Variants in ADAM10 observed in about 807,000 individuals in gnomAD.
ADAM10 encodes disintegrin and metalloproteinase domain-containing protein 10.
Under a neutral mutation model 90.1 loss-of-function variants are expected in ADAM10, and 17 were observed. The observed-to-expected ratio is 0.19, with a 90% CI of 0.13 to 0.28. The LOEUF is 0.28. ADAM10 is among the 10% of genes least tolerant of loss of function. ADAM10 has a pLI of 1.00. For synonymous variants in ADAM10, 310 were observed against 298.6 expected (o/e 1.04, Z -0.40); for missense variants, 610 against 914.3 (o/e 0.67, Z 4.29).
At chr15:58,658,428 C>CAA (rs1896885031) in intron 5 of ADAM10, among the ~76,000 whole-genome samples, 3 of 152,166 alleles carry the variant, frequency 2.0e-5, no homozygotes, top group Non-Finnish European at 4.4e-5. Flanking sequence ...AAACCAAATA[C>CAA]TATTAAATCT....
At chr15:58,683,499 A>G (rs573484557) in intron 2 of ADAM10, among the ~76,000 whole-genome samples, 1 of 152,318 alleles carries the variant, frequency 6.6e-6, no homozygotes, top group East Asian at 1.9e-4. Context: ...ATTTCTAGAA[A>G]TGTATCTTAC....
intron 3 of ADAM10, among the ~76,000 whole-genome samples, chr15:58,681,489 T>C (rs1358702504): frequency 6.6e-6 from 1 of 152,212 alleles, no homozygotes. Context: ...TCTCAAACAG[T>C]TTAACACTGT....
intron 2 of ADAM10, among the ~76,000 whole-genome samples, chr15:58,701,448 G>A (rs573624019): frequency 9.2e-5 from 14 of 152,034 alleles, no homozygotes; most frequent in Non-Finnish European, 1.5e-4. Flanking sequence ...TCATCTTACC[G>A]CAGTTAGAAT....
chr15:58,604,410 G>T (rs1895209935), intron 14 of ADAM10, among the ~76,000 whole-genome samples: 1 of 152,086 alleles, frequency 6.6e-6, no homozygotes, highest in South Asian at 2.1e-4. Context: ...CTCCTTAAAG[G>T]CTTTTCCTAA....
chr15:58,627,411 G>A lies in ADAM10; in HGVS notation c.1360+289C>T, dbSNP rs1419936370. Among the ~76,000 whole-genome samples the A allele has an allele frequency of 5.3e-5, 8 of 152,078 alleles. 1 individual carries two copies. Among genetic ancestry groups the A allele is most frequent in the South Asian group, 4.1e-4 (2 of 4,828 alleles). The stretch of plus-strand genomic sequence containing the variant: ...CTTAAAATTTGTGCATTTCACTTAT[G>A]CAGAAAACAGAAAAAGAACTATAAA... On this transcript the variant is annotated intron_variant, in intron 10 of 15. Transcript: ENST00000260408.
intron 1 of ADAM10, chr15:58,748,273 T>C (rs565601375): frequency 1.3e-5 from 2 of 152,302 alleles, no homozygotes; most frequent in Middle Eastern, 3.4e-3. Flanking sequence ...TAAGTCAAAG[T>C]GGCAAAGAAA....
chr15:58,677,365 C>A (rs1163410021), intron 4 of ADAM10, among the ~76,000 whole-genome samples: 1 of 151,822 alleles, frequency 6.6e-6, no homozygotes, highest in East Asian at 1.9e-4. Context: ...CATTTAAATG[C>A]CAAAAAGAAC....
chr15:58,698,847 G>C (rs1461386787), intron 2 of ADAM10, among the ~76,000 whole-genome samples: 1 of 151,960 alleles, frequency 6.6e-6, no homozygotes, highest in Non-Finnish European at 1.5e-5. Flanking sequence ...AGAAGGCAAA[G>C]AAAAAACAAA....
intron 5 of ADAM10, among the ~76,000 whole-genome samples, chr15:58,655,687 T>TATC (rs57182110): frequency 2.5e-5 from 2 of 80,296 alleles, no homozygotes; most frequent in African/African-American, 1.3e-4. Flanking sequence ...CATATATATA[T>TATC]TATATATAGT....
chr15:58,607,266 G>A (rs1411817060), intron 14 of ADAM10, among the ~76,000 whole-genome samples: 1 of 152,190 alleles, frequency 6.6e-6, no homozygotes, highest in Non-Finnish European at 1.5e-5. Flanking sequence ...GATTTAATTA[G>A]TCCAAACCCT....
intron 1 of ADAM10, among the ~76,000 whole-genome samples, chr15:58,741,331 A>C (rs1374467047): frequency 4.8e-5 from 5 of 105,198 alleles, no homozygotes; most frequent in African/African-American, 9.7e-5. Flanking sequence ...TTAAGTAAGA[A>C]AAAAAAGTGT....
rs564382700 is a variant in ADAM10, at chr15:58,716,322, A to T, written c.206+1255T>A. Among the ~76,000 whole-genome samples the T allele has an allele frequency of 2.0e-5, 3 of 152,310 alleles. No homozygotes were observed. The East Asian group carries it at 5.8e-4, about 29-fold the overall frequency. ...GGAACAGAAAACACGGTTATGGAAA[A>T]ATTAATAAGAAGTACCCACAAAAAG... On this transcript the variant is annotated intron_variant, in intron 2 of 15. Transcript: ENST00000260408.
At chr15:58,618,234 A>G (rs1895676482) in intron 11 of ADAM10, among the ~76,000 whole-genome samples, 1 of 100,250 alleles carries the variant, frequency 1.0e-5, no homozygotes, top group South Asian at 3.4e-4. Flanking sequence ...TTTACAGCCA[A>G]TTGATTTTCG....
chr15:58,641,640 G>A (rs1896419181), intron 7 of ADAM10, among the ~76,000 whole-genome samples: 1 of 152,118 alleles, frequency 6.6e-6, no homozygotes, highest in Non-Finnish European at 1.5e-5. Context: ...TCCTCCTTCA[G>A]AATCTGAATA....
intron 1 of ADAM10, chr15:58,748,890 C>T: frequency 2.5e-6 from 1 of 399,224 alleles, no homozygotes; most frequent in Non-Finnish European, 4.4e-6. Flanking sequence ...CCACGGGCGG[C>T]CCCTCTGCAG....
chr15:58,694,150 T>C (rs1897907327), intron 2 of ADAM10, among the ~76,000 whole-genome samples: 1 of 152,080 alleles, frequency 6.6e-6, no homozygotes, highest in Admixed American at 6.5e-5. Context: ...TCTTACAAAG[T>C]CAAACATATA....
intron 5 of ADAM10, among the ~76,000 whole-genome samples, chr15:58,659,778 G>T (rs1896924443): frequency 6.6e-6 from 1 of 152,104 alleles, no homozygotes; most frequent in Admixed American, 6.5e-5. Context: ...GCCCAGGCTG[G>T]AGTGCAGTGG....
chr15:58,708,170 A>C (rs192356610), intron 2 of ADAM10, among the ~76,000 whole-genome samples: 1 of 152,344 alleles, frequency 6.6e-6, no homozygotes, highest in African/African-American at 2.4e-5. Flanking sequence ...AATGTAAACC[A>C]ACTGTATAAA....
chr15:58,677,585 A>G (rs1897325542), intron 4 of ADAM10, among the ~76,000 whole-genome samples: 1 of 152,206 alleles, frequency 6.6e-6, no homozygotes, highest in Non-Finnish European at 1.5e-5. Flanking sequence ...GAAGGAAAAC[A>G]TGAGAGAGGC....
Sources: allele counts gnomAD v4.1 joint callset (sites outside exome capture counted in the v4.1 genomes callset), GRCh38; gene constraint gnomAD v4.1.1; transcripts MANE v1.5; gene names NCBI Gene and HGNC (gene_info 2026-07-23, HGNC 2026-07-21).